CNBD1: variants seen among roughly 807,000 people sequenced by gnomAD.
CNBD1 encodes cyclic nucleotide-binding domain-containing protein 1.
In CNBD1, 71 loss-of-function variants were observed where a neutral mutation model predicts 54.4. The ratio of observed to expected loss-of-function variants is 1.30; its 90% CI spans 1.08 to 1.59. CNBD1 has a LOEUF of 1.59. Among genes scored for constraint, CNBD1 ranks in the 40% most tolerant of loss-of-function variants. The probability of loss-of-function intolerance (pLI) is 0.00; values close to 1 mark genes in which losing one functional copy is unlikely to be tolerated. For missense variants in CNBD1, 659 were observed against 518.0 expected (o/e 1.27, Z -2.64); for synonymous variants, 182 against 170.7 (o/e 1.07, Z -0.51).
At chr8:86,984,515 C>T (rs1054603103) in intron 4 of CNBD1, among the ~76,000 whole-genome samples, 1 of 152,144 alleles carries the variant, frequency 6.6e-6, no homozygotes, top group Non-Finnish European at 1.5e-5. Flanking sequence ...TCAATGCCAG[C>T]CTGTGAAAGC....
intron 4 of CNBD1, among the ~76,000 whole-genome samples, chr8:87,020,334 C>T (rs1400000691): frequency 6.6e-6 from 1 of 151,976 alleles, no homozygotes; most frequent in East Asian, 1.9e-4. Context: ...ATATTTAAAA[C>T]TATTACCACC....
chr8:86,924,456 C>T (rs973525385), intron 3 of CNBD1, among the ~76,000 whole-genome samples: 3 of 152,098 alleles, frequency 2.0e-5, no homozygotes, highest in East Asian at 1.9e-4. Context: ...ATCAAAGATC[C>T]GTTAAAATTA....
At chr8:87,341,565 T>G (rs187553349) in intron 8 of CNBD1, among the ~76,000 whole-genome samples, 22 of 152,324 alleles carry the variant, frequency 1.4e-4, no homozygotes, top group African/African-American at 4.8e-4. Flanking sequence ...ATTGCTGTTG[T>G]AATAGTATTA....
At chr8:87,325,816 A>G (rs923081767) in intron 8 of CNBD1, among the ~76,000 whole-genome samples, 5 of 148,170 alleles carry the variant, frequency 3.4e-5, no homozygotes, top group Non-Finnish European at 7.5e-5. Flanking sequence ...TAAAGTTTAT[A>G]TTGTTATGTG....
At chr8:87,295,144 C>G (rs1354875935) in intron 8 of CNBD1, among the ~76,000 whole-genome samples, 3 of 151,594 alleles carry the variant, frequency 2.0e-5, no homozygotes, top group Non-Finnish European at 4.4e-5. Flanking sequence ...AATATTATTA[C>G]CAGAGAAGCT....
At chr8:87,306,312 G>T (rs1158287082) in intron 8 of CNBD1, among the ~76,000 whole-genome samples, 1 of 152,154 alleles carries the variant, frequency 6.6e-6, no homozygotes, top group Non-Finnish European at 1.5e-5. Flanking sequence ...GTGTAAACTA[G>T]TATAGCTGCT....
chr8:87,403,105 A>G (rs1409864515), intron 2 of CNBD1, among the ~76,000 whole-genome samples: 1 of 149,652 alleles, frequency 6.7e-6, no homozygotes, highest in African/African-American at 2.5e-5. Context: ...AAATTGGTGG[A>G]ATTAGAAGCA....
At chr8:87,020,817 A>G (rs531167897) in intron 4 of CNBD1, among the ~76,000 whole-genome samples, 19 of 152,318 alleles carry the variant, frequency 1.2e-4, no homozygotes, top group Admixed American at 9.1e-4. Flanking sequence ...CCAGGAGATA[A>G]TCAACTAAGA....
chr8:87,398,895 A>G (rs942994024), intron 2 of CNBD1, among the ~76,000 whole-genome samples: 1 of 152,034 alleles, frequency 6.6e-6, no homozygotes, highest in Non-Finnish European at 1.5e-5. Context: ...TAAAACCACT[A>G]TCAGACCCAC....
chr8:87,227,885 A>G (rs1463129331), intron 5 of CNBD1, among the ~76,000 whole-genome samples: 4 of 148,126 alleles, frequency 2.7e-5, no homozygotes, highest in African/African-American at 1.0e-4. Flanking sequence ...CACCAGTCAG[A>G]CGTAGATTTG....
At chr8:87,397,017 A>G (rs1811419924) in intron 2 of CNBD1, among the ~76,000 whole-genome samples, 1 of 151,346 alleles carries the variant, frequency 6.6e-6, no homozygotes, top group Non-Finnish European at 1.5e-5. Flanking sequence ...AAAATCTATT[A>G]TTTAACCTTT....
At chr8:86,985,948 G>A (rs1296031590) in intron 4 of CNBD1, among the ~76,000 whole-genome samples, 2 of 151,848 alleles carry the variant, frequency 1.3e-5, no homozygotes, top group Non-Finnish European at 2.9e-5. Flanking sequence ...GTTTTTTCCT[G>A]AGATGGGAGT....
intron 6 of CNBD1, among the ~76,000 whole-genome samples, chr8:87,277,382 G>A (rs1422483292): frequency 6.6e-6 from 1 of 151,664 alleles, no homozygotes; most frequent in Non-Finnish European, 1.5e-5. Flanking sequence ...GTATCTAAAT[G>A]TTAATCTTTA....
At chr8:86,969,411 T>C (rs1341414720) in intron 4 of CNBD1, among the ~76,000 whole-genome samples, 1 of 152,150 alleles carries the variant, frequency 6.6e-6, no homozygotes, top group Non-Finnish European at 1.5e-5. Flanking sequence ...CAGAACCTTC[T>C]TTGAAAACCA....
At chr8:87,379,603 G>C (rs1188490485) in intron 10 of CNBD1, among the ~76,000 whole-genome samples, 10 of 151,772 alleles carry the variant, frequency 6.6e-5, no homozygotes, top group Admixed American at 6.6e-4. Flanking sequence ...ATTCATTTTT[G>C]ATGAAGAAAT....
At chr8:87,390,894 T>C (rs1045763147) in intron 2 of CNBD1, among the ~76,000 whole-genome samples, 5 of 152,164 alleles carry the variant, frequency 3.3e-5, no homozygotes, top group Non-Finnish European at 7.3e-5. Flanking sequence ...ATATACACTA[T>C]GTAATACTAT....
chr8:87,263,937 T>C (rs1026063003), intron 6 of CNBD1, among the ~76,000 whole-genome samples: 13 of 152,312 alleles, frequency 8.5e-5, no homozygotes, highest in African/African-American at 3.1e-4. Flanking sequence ...TATACTCTTT[T>C]ATACCATATA....
intron 6 of CNBD1, among the ~76,000 whole-genome samples, chr8:87,247,831 A>T (rs545187733): frequency 6.6e-6 from 1 of 152,296 alleles, no homozygotes; most frequent in African/African-American, 2.4e-5. Flanking sequence ...AATGTTTTTA[A>T]GTTCAGGTGA....
chr8:86,989,421 G>C (rs1320404463), intron 4 of CNBD1, among the ~76,000 whole-genome samples: 2 of 151,990 alleles, frequency 1.3e-5, no homozygotes, highest in African/African-American at 4.8e-5. Flanking sequence ...AAATAGAATG[G>C]TAGTTTCTAG....
Sources: gnomAD v4.1 joint callset for allele counts (sites outside exome capture counted in the v4.1 genomes callset) on GRCh38, gnomAD v4.1.1 for gene constraint, MANE v1.5 for transcripts, NCBI Gene and HGNC (gene_info 2026-07-23, HGNC 2026-07-21) for gene names.